The following SAMSN1 variants were observed in gnomAD, a reference collection of about 807,000 sequenced individuals.
SAMSN1 encodes SAM domain-containing protein SAMSN-1.
A neutral mutation model predicts 42.0 loss-of-function variants in SAMSN1; 31 were observed. The ratio of observed to expected loss-of-function variants is 0.74; its 90% CI spans 0.55 to 1.00. SAMSN1 has a LOEUF of 1.00. Among genes scored for constraint, SAMSN1 ranks in the 50% least tolerant of loss-of-function variants. The pLI is 0.00. For synonymous variants in SAMSN1, 178 were observed against 151.9 expected (o/e 1.17, Z -1.26); for missense variants, 464 against 439.4 (o/e 1.06, Z -0.50).
upstream of SAMSN1, among the ~76,000 whole-genome samples, chr21:14,587,755 A>AT (rs1268172256): frequency 6.6e-6 from 1 of 150,922 alleles, no homozygotes; most frequent in African/African-American, 2.4e-5. Context: ...TTATTTATTT[A>AT]TTTATTTATT....
chr21:14,495,708 C>CA (rs1464567754), intron 7 of SAMSN1: 1 of 152,084 alleles, frequency 6.6e-6, no homozygotes, highest in African/African-American at 2.4e-5. Context: ...TATCAAACAT[C>CA]AAAAACCATT....
chr21:14,591,745 G>GTAA (rs1982092517), intron 7 of SAMSN1, among the ~76,000 whole-genome samples: 1 of 152,152 alleles, frequency 6.6e-6, no homozygotes, highest in Non-Finnish European at 1.5e-5. Flanking sequence ...AGCCATTTAT[G>GTAA]TAATAGTCTT....
At chr21:14,577,280 A>ATTTT (rs1568816249) in intron 2 of SAMSN1, among the ~76,000 whole-genome samples, 2 of 48,416 alleles carry the variant, frequency 4.1e-5, no homozygotes, top group African/African-American at 2.7e-4. Context: ...ATATATATAT[A>ATTTT]TATATTTTTT....
At chr21:14,649,349 A>G (rs1038647269) in intron 1 of SAMSN1, among the ~76,000 whole-genome samples, 4 of 151,890 alleles carry the variant, frequency 2.6e-5, no homozygotes, top group Non-Finnish European at 4.4e-5. Context: ...GGTGCAGCGC[A>G]CCAGCATGGC....
chr21:14,530,277 A>C (rs1979167931), intron 1 of SAMSN1, among the ~76,000 whole-genome samples: 1 of 146,058 alleles, frequency 6.8e-6, no homozygotes, highest in African/African-American at 2.5e-5. Context: ...AGATTGAGCC[A>C]ATGCGCTCCA....
At chr21:14,615,995 C>A (rs1157029971) in exon 3 of SAMSN1, 1 of 588,856 alleles carries the variant, frequency 1.7e-6, no homozygotes, top group Non-Finnish European at 3.2e-6. Context: ...TTTGGTTTTG[C>A]ATTCTCTAAA....
At chr21:14,586,274 AAAAAGAAAAAG>A (rs1170169792), upstream of SAMSN1, among the ~76,000 whole-genome samples, 21 of 150,012 alleles carry the variant, frequency 1.4e-4, no homozygotes, top group Admixed American at 6.6e-4. Flanking sequence ...AAAAAAAAAA[AAAAAGAAAAAG>A]AAAAAAAAAG....
chr21:14,595,267 G>A (rs1360456589), intron 6 of SAMSN1, among the ~76,000 whole-genome samples: 7 of 152,100 alleles, frequency 4.6e-5, no homozygotes, highest in Non-Finnish European at 4.4e-5. Context: ...GGCTTTTGCG[G>A]AAGTAACTAA....
intron 7 of SAMSN1, chr21:14,593,625 G>A (rs147167878): frequency 0.013 from 1,991 of 157,208 alleles, 24 homozygotes; most frequent in Middle Eastern, 0.023. Context: ...TACTCATGCT[G>A]TTTCCAAGTT....
At chr21:14,491,335 T>C (rs769286481) in intron 7 of SAMSN1, among the ~76,000 whole-genome samples, 4 of 151,916 alleles carry the variant, frequency 2.6e-5, no homozygotes, top group Non-Finnish European at 5.9e-5. Flanking sequence ...CTTGAACTCT[T>C]GGACTCAAGC....
chr21:14,583,737 T>A (rs1277314856), upstream of SAMSN1: 1 of 717,834 alleles, frequency 1.4e-6, no homozygotes, highest in Admixed American at 2.0e-5. Flanking sequence ...CGCTTTAATG[T>A]CCCCATTGAT....
intron 2 of SAMSN1, among the ~76,000 whole-genome samples, chr21:14,567,773 A>G (rs1981168748): frequency 6.6e-6 from 1 of 151,668 alleles, no homozygotes; most frequent in African/African-American, 2.4e-5. Context: ...ACCGCAGCTC[A>G]GCCCTGAAAC....
At chr21:14,503,426 C>T (rs1568770833) in intron 5 of SAMSN1, among the ~76,000 whole-genome samples, 1 of 152,148 alleles carries the variant, frequency 6.6e-6, no homozygotes, top group Non-Finnish European at 1.5e-5. Context: ...AGCCAGTGAA[C>T]TCAGAAGAGA....
intron 1 of SAMSN1, among the ~76,000 whole-genome samples, chr21:14,538,964 A>G (rs1235292338): frequency 2.0e-5 from 3 of 152,226 alleles, no homozygotes; most frequent in African/African-American, 7.2e-5. Flanking sequence ...AAATTTATTA[A>G]CACGGATCAT....
intron 2 of SAMSN1, among the ~76,000 whole-genome samples, chr21:14,641,282 A>C (rs1302823966): frequency 6.6e-6 from 1 of 152,162 alleles, no homozygotes; most frequent in East Asian, 1.9e-4. Flanking sequence ...TATTATTTTT[A>C]TGTTACTGAG....
intron 7 of SAMSN1, among the ~76,000 whole-genome samples, chr21:14,487,341 TA>T (rs1986479870): frequency 1.5e-5 from 2 of 132,472 alleles, no homozygotes; most frequent in African/African-American, 6.8e-5. Context: ...TTATCTTATT[TA>T]TTTTTTATAT....
chr21:14,558,121 G>A (rs1391723156), intron 2 of SAMSN1, among the ~76,000 whole-genome samples: 2 of 152,146 alleles, frequency 1.3e-5, no homozygotes, highest in East Asian at 1.9e-4. Context: ...GCAGAAATTA[G>A]GCCTATCGCT....
At chr21:14,602,225 ATT>A in intron 5 of SAMSN1, 1 of 342,800 alleles carries the variant, frequency 2.9e-6, no homozygotes. Context: ...CGTCAAAAAT[ATT>A]TTTTTTTGTT....
At chr21:14,602,776 G>C (rs895797477) in intron 5 of SAMSN1, among the ~76,000 whole-genome samples, 9 of 152,020 alleles carry the variant, frequency 5.9e-5, no homozygotes, top group African/African-American at 9.7e-5. Context: ...CTGGTCAGCA[G>C]ACCAGGGCCG....
Sources: allele counts gnomAD v4.1 joint callset (sites outside exome capture counted in the v4.1 genomes callset), GRCh38; gene constraint gnomAD v4.1.1; transcripts MANE v1.5; gene names NCBI Gene and HGNC (gene_info 2026-07-23, HGNC 2026-07-21).